Variants in WWC2 observed in about 807,000 individuals in gnomAD.
WWC2 encodes protein WWC2.
A neutral mutation model predicts 138.5 loss-of-function variants in WWC2; 101 were observed. The observed-to-expected ratio is 0.73, with a 90% CI of 0.62 to 0.86. The LOEUF (loss-of-function observed/expected upper bound fraction) is 0.86. Ranked by LOEUF, WWC2 falls within the 40% of genes least tolerant of loss-of-function variation. The pLI, the probability that WWC2 is intolerant of heterozygous loss-of-function variation, is 0.00. For missense variants in WWC2, 1,420 were observed against 1,419.4 expected (o/e 1.00, Z -0.01); for synonymous variants, 558 against 538.4 (o/e 1.04, Z -0.50).
In WWC2 at chr4:183,260,959, C is replaced by T. The variant is rs1285227089; in HGVS notation, c.1336C>T (p.Leu446=). Residue 446 remains leucine, a synonymous_variant, in exon 11 of 23, where the codon CTG becomes TTG. Transcript: ENST00000403733. ...GTCATCTGGGAGCAGCCTGGGTTCCCTGGCATCGAGTCGGGGCTCTCTGAA... is the reference window on the plus strand; with the variant it reads ...GTCATCTGGGAGCAGCCTGGGTTCCTTGGCATCGAGTCGGGGCTCTCTGAA... The part of the protein sequence containing the change: ...SMSSGSSLGS[L]ASSRGSLNTS... 18 of 1,613,814 alleles carry T rather than the reference C, an allele frequency of 1.1e-5. No individual in the cohort carries two copies. The highest frequency in any genetic ancestry group is 1.5e-5 in the Non-Finnish European group (18 of 1,179,888).
chr4:183,257,424 G>A (rs1037964314), intron 9 of WWC2, among the ~76,000 whole-genome samples: 2 of 152,154 alleles, frequency 1.3e-5, no homozygotes, highest in Admixed American at 6.5e-5. Context: ...GAGTCAGGCA[G>A]GTGTGAAGGC....
chr4:183,182,448 A>G (rs1734659381), intron 1 of WWC2, among the ~76,000 whole-genome samples: 1 of 152,166 alleles, frequency 6.6e-6, no homozygotes, highest in Non-Finnish European at 1.5e-5. Context: ...CCTCTCTCAA[A>G]CACTCATACC....
At chr4:183,167,876 AGAT>A (rs1433035977) in intron 1 of WWC2, among the ~76,000 whole-genome samples, 3 of 94,084 alleles carry the variant, frequency 3.2e-5, no homozygotes, top group Non-Finnish European at 6.2e-5. Flanking sequence ...TTTTTTTTTG[AGAT>A]GATGTCTTGC....
At chr4:183,130,754 A>G (rs1732900872) in intron 1 of WWC2, among the ~76,000 whole-genome samples, 1 of 152,202 alleles carries the variant, frequency 6.6e-6, no homozygotes, top group Non-Finnish European at 1.5e-5. Flanking sequence ...GCATCATGCC[A>G]GGTCCTGTCT....
intron 4 of WWC2, among the ~76,000 whole-genome samples, chr4:183,212,038 G>A (rs995153263): frequency 8.5e-5 from 13 of 152,084 alleles, no homozygotes; most frequent in African/African-American, 3.1e-4. Flanking sequence ...GGCCAGGCTG[G>A]TTTCGAACAC....
chr4:183,107,853 A>G (rs978092921), intron 1 of WWC2, among the ~76,000 whole-genome samples: 3 of 151,808 alleles, frequency 2.0e-5, no homozygotes, highest in East Asian at 1.9e-4. Context: ...CTTGCCTACA[A>G]TCTAGTGTGC....
intron 22 of WWC2, 43 bp downstream of exon 22, chr4:183,312,511 G>A (rs749580584): frequency 1.3e-5 from 21 of 1,609,500 alleles, no homozygotes; most frequent in Non-Finnish European, 1.8e-5. Flanking sequence ...TGCCCTCACG[G>A]GGTCTGATTG....
At chr4:183,168,124 G>GATT (rs1374269535) in intron 1 of WWC2, among the ~76,000 whole-genome samples, 6 of 151,288 alleles carry the variant, frequency 4.0e-5, no homozygotes, top group African/African-American at 1.5e-4. Flanking sequence ...AAAGTGCTGG[G>GATT]ATTACAGGCA....
At chr4:183,148,647 C>A (rs139600675) in intron 1 of WWC2, among the ~76,000 whole-genome samples, 9 of 152,164 alleles carry the variant, frequency 5.9e-5, no homozygotes, top group African/African-American at 2.2e-4. Context: ...TTCTAGATAT[C>A]TTTGTTGTAG....
At chr4:183,192,507 T>G (rs1735018501) in intron 1 of WWC2, among the ~76,000 whole-genome samples, 1 of 152,228 alleles carries the variant, frequency 6.6e-6, no homozygotes, top group Non-Finnish European at 1.5e-5. Flanking sequence ...CTACTGGTGT[T>G]TTTTGTCCTT....
At chr4:183,306,979 G>T (rs897473870) in intron 21 of WWC2, among the ~76,000 whole-genome samples, 3 of 150,566 alleles carry the variant, frequency 2.0e-5, no homozygotes, top group African/African-American at 7.3e-5. Flanking sequence ...AGCAGACATA[G>T]TTGAACTCAA....
chr4:183,257,281 A>G (rs753653081), intron 9 of WWC2, among the ~76,000 whole-genome samples: 2 of 152,156 alleles, frequency 1.3e-5, no homozygotes, highest in Non-Finnish European at 2.9e-5. Context: ...AGGTGGGGGC[A>G]TGAGTGTCAC....
intron 5 of WWC2, among the ~76,000 whole-genome samples, chr4:183,242,880 G>A (rs1328544045): frequency 6.6e-6 from 1 of 152,112 alleles, no homozygotes; most frequent in Non-Finnish European, 1.5e-5. Context: ...TGACAAGTTA[G>A]GGTCAAAAGA....
intron 1 of WWC2, among the ~76,000 whole-genome samples, chr4:183,147,619 G>C (rs1006355971): frequency 5.3e-5 from 8 of 152,182 alleles, no homozygotes; most frequent in African/African-American, 1.9e-4. Flanking sequence ...TCATAAAAGA[G>C]AATATTGAAA....
chr4:183,190,178 CTTG>C (rs1410292324), intron 1 of WWC2, among the ~76,000 whole-genome samples: 4 of 151,522 alleles, frequency 2.6e-5, no homozygotes, highest in South Asian at 2.1e-4. Context: ...GTTGTTGTTG[CTTG>C]TTGTTGCTCC....
chr4:183,208,830 A>T (rs772536011), intron 3 of WWC2, 119 bp from the exon 4 acceptor site: 1 of 651,708 alleles, frequency 1.5e-6, no homozygotes, highest in African/African-American at 1.8e-5. Context: ...CAATAAAGGA[A>T]TTAGAAAGCA....
At position 183,197,023 on chromosome 4, in the gene WWC2, A is replaced by G. The variant is rs530431501; in HGVS notation, c.241+3315A>G. On this transcript the variant is annotated intron_variant, in intron 2 of 22. Coordinates refer to ENST00000403733, the MANE Select transcript of WWC2 (RefSeq NM_024949.6). Reference sequence around the variant, plus strand: ...CAATGACTGCATCTTTTATGTTTTCATCGCTGGGCAACTAGTATAATGATA... The same window carrying G: ...CAATGACTGCATCTTTTATGTTTTCGTCGCTGGGCAACTAGTATAATGATA... Among the ~76,000 whole-genome samples, 7 of 152,328 alleles carry G rather than the reference A, an allele frequency of 4.6e-5. No homozygotes were observed. In the South Asian group the frequency reaches 1.5e-3, roughly 32 times the overall value.
intron 1 of WWC2, among the ~76,000 whole-genome samples, chr4:183,133,214 A>G (rs1283667435): frequency 7.8e-6 from 1 of 128,222 alleles, no homozygotes; most frequent in African/African-American, 3.1e-5. Context: ...GAGCACAGTG[A>G]TGTGATCCTG....
chr4:183,252,068 C>T (rs905493781), intron 8 of WWC2, among the ~76,000 whole-genome samples: 3 of 152,234 alleles, frequency 2.0e-5, no homozygotes, highest in Non-Finnish European at 2.9e-5. Flanking sequence ...CTGCATACAC[C>T]GTGCCACTCT....
Sources: gnomAD v4.1 joint callset for allele counts (sites outside exome capture counted in the v4.1 genomes callset) on GRCh38, gnomAD v4.1.1 for gene constraint, MANE v1.5 for transcripts, NCBI Gene and HGNC (gene_info 2026-07-23, HGNC 2026-07-21) for gene names.